The following KCNG3 variants were observed in gnomAD, a reference collection of about 807,000 sequenced individuals.
The protein encoded by KCNG3 is potassium voltage-gated channel modifier subfamily G member 3, also known as voltage-gated potassium channel regulatory subunit KCNG3.
Under a neutral mutation model 29.0 loss-of-function variants are expected in KCNG3, and 15 were observed. The ratio of observed to expected loss-of-function variants is 0.52; its 90% confidence interval spans 0.35 to 0.80. The LOEUF is 0.80. Ranked by LOEUF, KCNG3 falls within the 30% of genes least tolerant of loss-of-function variation. KCNG3 has a pLI of 0.01. For synonymous variants in KCNG3, 322 were observed against 248.9 expected (o/e 1.29, Z -2.76); for missense variants, 512 against 605.7 (o/e 0.85, Z 1.62).
chr2:42,390,741 G>A, the KCNG3 span, among the ~76,000 whole-genome samples: 2 of 152,196 alleles, frequency 1.3e-5, no homozygotes, highest in Admixed American at 6.5e-5. Context: ...TAGATGACTC[G>A]AAAACTTAAC....
chr2:42,462,110 G>A (rs1230333638), intron 1 of KCNG3, among the ~76,000 whole-genome samples: 1 of 152,196 alleles, frequency 6.6e-6, no homozygotes, highest in Non-Finnish European at 1.5e-5. Flanking sequence ...AAATTGAGTG[G>A]TGAGAATGCA....
chr2:42,487,099 G>C (rs1183728784), intron 1 of KCNG3, among the ~76,000 whole-genome samples: 1 of 148,188 alleles, frequency 6.7e-6, no homozygotes, highest in Non-Finnish European at 1.5e-5. Context: ...AGAGGTTGCA[G>C]TGAGCTGAGA....
intron 1 of KCNG3, among the ~76,000 whole-genome samples, chr2:42,473,239 G>T (rs891751324): frequency 4.0e-5 from 6 of 151,800 alleles, no homozygotes; most frequent in African/African-American, 1.5e-4. Flanking sequence ...TTGGGTAGTG[G>T]GTAAACAGGT....
At chr2:42,436,906 T>C in the KCNG3 span, among the ~76,000 whole-genome samples, 1 of 152,222 alleles carries the variant, frequency 6.6e-6, no homozygotes, top group African/African-American at 2.4e-5. Context: ...GAACTTGTTC[T>C]TTCATACATG....
At chr2:42,418,016 A>AAT in the KCNG3 span, among the ~76,000 whole-genome samples, 7 of 151,544 alleles carry the variant, frequency 4.6e-5, no homozygotes, top group Non-Finnish European at 1.0e-4. Context: ...AAATAAATAA[A>AAT]ATATATATAT....
the KCNG3 span, among the ~76,000 whole-genome samples, chr2:42,403,366 C>A: frequency 6.6e-6 from 1 of 152,092 alleles, no homozygotes; most frequent in African/African-American, 2.4e-5. Flanking sequence ...TGGTCTCGAA[C>A]TCCTGGACTC....
intron 1 of KCNG3, among the ~76,000 whole-genome samples, chr2:42,484,413 G>T (rs1673669219): frequency 6.6e-6 from 1 of 152,182 alleles, no homozygotes; most frequent in Admixed American, 6.5e-5. Flanking sequence ...AGTGAGCCGA[G>T]ATCGTGCCAC....
At chr2:42,478,235 T>C (rs755510731) in intron 1 of KCNG3, among the ~76,000 whole-genome samples, 3 of 152,120 alleles carry the variant, frequency 2.0e-5, no homozygotes, top group African/African-American at 2.4e-5. Context: ...ATATTATATA[T>C]TAAACTAGAA....
At chr2:42,490,884 C>T (rs1200545279) in intron 1 of KCNG3, among the ~76,000 whole-genome samples, 1 of 152,174 alleles carries the variant, frequency 6.6e-6, no homozygotes, top group Non-Finnish European at 1.5e-5. Flanking sequence ...GTTAAGGGCC[C>T]TCTCTGTTGA....
chr2:42,417,995 A>T, the KCNG3 span, among the ~76,000 whole-genome samples: 1 of 151,352 alleles, frequency 6.6e-6, no homozygotes, highest in African/African-American at 2.4e-5. Flanking sequence ...AAAAAATAAA[A>T]ATAAATAAAT....
rs527452055 is a variant in KCNG3 at position 42,450,013 on chromosome 2, T to G, written c.666-5434A>C. On this transcript the variant is annotated intron_variant, in intron 1 of 1. Coordinates refer to ENST00000306078, the MANE Select transcript of KCNG3 (RefSeq NM_133329.6). ...CTGAAGGACAAGCCTCACCATCAAGTGGCAGATTTACATGGATCTTATAAG... is the reference window on the plus strand; with the variant it reads ...CTGAAGGACAAGCCTCACCATCAAGGGGCAGATTTACATGGATCTTATAAG... 1.7e-3 allele frequency among the ~76,000 whole-genome samples: 257 copies of G among 152,264 alleles called. 1 individual carries two copies. Among genetic ancestry groups the G allele is most frequent in the African/African-American group, 6.0e-3 (249 of 41,560 alleles).
chr2:42,487,836 T>C (rs749498021), intron 1 of KCNG3, among the ~76,000 whole-genome samples: 2 of 152,202 alleles, frequency 1.3e-5, no homozygotes, highest in Non-Finnish European at 2.9e-5. Context: ...CAGCGTTTAC[T>C]ACAGACAAGA....
the KCNG3 span, among the ~76,000 whole-genome samples, chr2:42,401,861 G>C: frequency 0.055 from 8,305 of 152,254 alleles, 273 homozygotes; most frequent in Middle Eastern, 0.1. Flanking sequence ...TCCAGCCTGG[G>C]TGACACAGCG....
At chr2:42,393,370 G>C in the KCNG3 span, among the ~76,000 whole-genome samples, 1 of 151,996 alleles carries the variant, frequency 6.6e-6, no homozygotes, top group Non-Finnish European at 1.5e-5. Context: ...AGACCAGCCT[G>C]GCCAACATGG....
intron 1 of KCNG3, among the ~76,000 whole-genome samples, chr2:42,464,154 C>T (rs1473882085): frequency 2.6e-5 from 4 of 152,138 alleles, no homozygotes; most frequent in Admixed American, 2.6e-4. Flanking sequence ...ACTAATGTGT[C>T]CAGTGCTCAA....
chr2:42,435,555 T>C, the KCNG3 span, among the ~76,000 whole-genome samples: 1 of 152,128 alleles, frequency 6.6e-6, no homozygotes, highest in African/African-American at 2.4e-5. Flanking sequence ...AATAAACAAC[T>C]CTTAAAATCC....
chr2:42,430,685 T>G, the KCNG3 span, among the ~76,000 whole-genome samples: 5 of 152,080 alleles, frequency 3.3e-5, no homozygotes, highest in Non-Finnish European at 5.9e-5. Context: ...TGAGCCCAGA[T>G]GGTCGAGGCT....
the KCNG3 span, among the ~76,000 whole-genome samples, chr2:42,428,564 C>T: frequency 4.6e-5 from 7 of 151,534 alleles, no homozygotes; most frequent in Admixed American, 2.6e-4. Context: ...TAATTATTTT[C>T]ACCTAATAAT....
At chr2:42,396,312 T>G in the KCNG3 span, among the ~76,000 whole-genome samples, 3 of 152,136 alleles carry the variant, frequency 2.0e-5, no homozygotes, top group African/African-American at 7.2e-5. Context: ...ATTTTGTCCA[T>G]TTTTCTAAAA....
Sources: gnomAD v4.1 joint callset for allele counts (sites outside exome capture counted in the v4.1 genomes callset) on GRCh38, gnomAD v4.1.1 for gene constraint, MANE v1.5 for transcripts, NCBI Gene and HGNC (gene_info 2026-07-23, HGNC 2026-07-21) for gene names.